Variants in GAS6 observed in about 807,000 individuals in gnomAD.
The protein encoded by GAS6 is growth arrest-specific protein 6.
GAS6 carries 41 observed loss-of-function variants against 75.8 expected under a neutral mutation model. The observed-to-expected ratio is 0.54, with a 90% CI of 0.42 to 0.70. GAS6 has a LOEUF of 0.70. GAS6 is among the 30% of genes least tolerant of loss of function. The probability of loss-of-function intolerance (pLI) is 0.00; values close to 1 mark genes in which losing one functional copy is unlikely to be tolerated. For synonymous variants in GAS6, 432 were observed against 412.6 expected (o/e 1.05, Z -0.57); for missense variants, 854 against 940.2 (o/e 0.91, Z 1.20).
intron 2 of GAS6, among the ~76,000 whole-genome samples, chr13:113,849,525 G>T (rs1334743116): frequency 6.6e-6 from 1 of 152,138 alleles, no homozygotes; most frequent in Non-Finnish European, 1.5e-5. Flanking sequence ...GGATGCAAAA[G>T]GTGTCCTTTC....
At position 113,863,269 on chromosome 13, in the gene GAS6, C is replaced by A. The variant is rs1359766018; in HGVS notation, c.255+306G>T. Among the ~76,000 whole-genome samples, 3 of 152,140 alleles carry A rather than the reference C, an allele frequency of 2.0e-5. No homozygotes were observed. Among genetic ancestry groups the A allele is most frequent in the East Asian group, 3.9e-4 (2 of 5,168 alleles). On this transcript the variant is annotated intron_variant, in intron 2 of 14. Coordinates refer to ENST00000327773, the MANE Select transcript of GAS6 (RefSeq NM_000820.4). This position sits in a 1 kb window ranked among gnomAD's most constrained non-coding sequence, Gnocchi z 9.4. ...CAGCAGAGGGAGGGCCGCGGGGAAG[C>A]GGTTTGGGTTTTAACCATTGTGTTT...
chr13:113,838,345 G>C (rs952421327), intron 5 of GAS6, 154 bp from the exon 6 acceptor site: 3 of 875,818 alleles, frequency 3.4e-6, no homozygotes, highest in Non-Finnish European at 5.3e-6. Context: ...GATCCCAAAG[G>C]TGCACAGCCC....
intron 7 of GAS6, 34 bp downstream of exon 7, chr13:113,835,478 CA>C (rs767307430): frequency 1.2e-6 from 2 of 1,605,270 alleles, no homozygotes; most frequent in Non-Finnish European, 1.7e-6. Flanking sequence ...ACTTGGGCGT[CA>C]GAGAAAGCGA....
rs1207438612 is a variant in GAS6, at chr13:113,832,742, G to A, written c.845C>T (p.Pro282Leu). Residue 282 changes from proline (P) to leucine (L), a missense_variant, in exon 9 of 15, where the codon CCG becomes CTG. Transcript: ENST00000327773. ...QDMDTCEDILPCVPFSVAKSV... is the reference protein window; with the variant it reads ...QDMDTCEDILLCVPFSVAKSV... ...CTTGGCCACGCTGAAGGGCACGCAC[G>A]GCAAGATGTCCTGCCACGGACGGGG... 13 of 1,612,576 alleles carry A rather than the reference G, an allele frequency of 8.1e-6. No individual in the cohort carries two copies. The highest frequency in any genetic ancestry group is 2.7e-5 in the African/African-American group (2 of 74,940).
At chr13:113,834,491 C>T (rs886913299) in intron 8 of GAS6, 60 bp downstream of exon 8, 91 of 1,423,550 alleles carry the variant, frequency 6.4e-5, no homozygotes, top group Middle Eastern at 2.5e-4. Context: ...CCCGAAAGCC[C>T]CCACCGGCGA....
intron 7 of GAS6, 85 bp downstream of exon 7, chr13:113,835,428 T>C: frequency 2.0e-6 from 3 of 1,499,016 alleles, no homozygotes; most frequent in Non-Finnish European, 2.7e-6. Context: ...CACCCGGTTG[T>C]TAGCAACCGG....
rs773435182 is a variant in GAS6 at position 113,832,780 on chromosome 13, G to A, written c.835-28C>T. On this transcript the variant is annotated intron_variant, in intron 8 of 14. Transcript: ENST00000327773. ...GCCACGGACGGGGGCCACGCCGGTC[G>A]GGGATGTGGCCTTCACTCCTGCTCC... is the stretch of plus-strand genomic sequence containing the variant. 8.9e-5 allele frequency: 144 copies of A among 1,611,832 alleles called. No individual in the cohort carries two copies. The South Asian group carries it at 1.3e-3, about 15-fold the overall frequency.
At chr13:113,857,021 C>G (rs905111468) in intron 2 of GAS6, among the ~76,000 whole-genome samples, 23 of 152,310 alleles carry the variant, frequency 1.5e-4, no homozygotes, top group Non-Finnish European at 1.2e-4. Context: ...TGAGGGCTGG[C>G]TGGGTCAAGC....
intron 6 of GAS6, 30 bp downstream of exon 6, chr13:113,838,039 G>C (rs1412498986): frequency 1.9e-6 from 3 of 1,609,726 alleles, no homozygotes; most frequent in Middle Eastern, 1.7e-4. Flanking sequence ...GGAGAGGAGA[G>C]AGGAGAGAGG....
intron 2 of GAS6, among the ~76,000 whole-genome samples, chr13:113,861,590 C>T (rs752808133): frequency 1.6e-4 from 25 of 152,180 alleles, no homozygotes; most frequent in Admixed American, 6.5e-5. Flanking sequence ...TCCCCTCGGG[C>T]CTGGGGTCTC....
intron 2 of GAS6, among the ~76,000 whole-genome samples, chr13:113,854,430 C>A (rs954265033): frequency 5.3e-5 from 8 of 152,258 alleles, no homozygotes; most frequent in Non-Finnish European, 1.2e-4. Context: ...GGCAGTGACG[C>A]CGAGACTCCC....
intron 10 of GAS6, 83 bp downstream of exon 10, chr13:113,832,216 A>G (rs1249886673): frequency 6.2e-6 from 9 of 1,443,630 alleles, no homozygotes; most frequent in Non-Finnish European, 3.7e-6. Flanking sequence ...TCATCTCCTA[A>G]CGGTTGCATA....
At chr13:113,825,612 C>T (rs955467958) in intron 12 of GAS6, among the ~76,000 whole-genome samples, 6 of 152,260 alleles carry the variant, frequency 3.9e-5, no homozygotes, top group Admixed American at 3.9e-4. Context: ...CATAAGGTTA[C>T]CCCTGAGAAA....
intron 3 of GAS6, chr13:113,846,833 C>G: frequency 1.8e-6 from 1 of 548,830 alleles, no homozygotes; most frequent in South Asian, 2.0e-5. Context: ...CGTAAAGCAC[C>G]GCCCGCCGTT....
At position 113,835,541 on chromosome 13, in the gene GAS6, C is replaced by G; in HGVS notation, c.684G>C (p.Ala228=). The change falls in exon 7 of 15, where the codon GCG becomes GCC. Residue 228 remains alanine (A), a synonymous_variant. Coordinates refer to ENST00000327773, the MANE Select transcript of GAS6 (RefSeq NM_000820.4). ...GGCAAGCCTTCTCCTGGGAGCTGTA[C>G]GCAAAGCCCTCGTCACAGAGGCAGG... The part of the protein sequence containing the change: ...SYSCLCDEGF[A]YSSQEKACRD... 6.2e-7 allele frequency: 1 copy of G among 1,612,594 alleles called. No individual in the cohort carries two copies. The highest frequency in any genetic ancestry group is 1.3e-5 in the African/African-American group (1 of 75,044).
intron 4 of GAS6, 100 bp downstream of exon 4, chr13:113,846,427 A>G (rs1405367121): frequency 8.0e-6 from 8 of 994,808 alleles, no homozygotes; most frequent in Non-Finnish European, 1.2e-5. Flanking sequence ...ACAGCTCCTT[A>G]AAAAACAGAA....
chr13:113,824,067 G>A (rs1331820670), intron 12 of GAS6, among the ~76,000 whole-genome samples: 3 of 149,672 alleles, frequency 2.0e-5, no homozygotes, highest in East Asian at 1.9e-4. Flanking sequence ...AGGAGCACGC[G>A]CGGTCTGGGG....
chr13:113,825,090 T>C (rs191105261), intron 12 of GAS6, among the ~76,000 whole-genome samples: 1,896 of 152,034 alleles, frequency 0.012, 49 homozygotes, highest in African/African-American at 0.043. Flanking sequence ...TGGTGGTGCA[T>C]GCCTGTAATC....
intron 12 of GAS6, among the ~76,000 whole-genome samples, chr13:113,825,188 C>T (rs865856530): frequency 1.6e-4 from 22 of 136,870 alleles, no homozygotes; most frequent in Non-Finnish European, 2.1e-4. Context: ...GAGCCAAGAT[C>T]GTGCCATTGT....
Sources: allele counts gnomAD v4.1 joint callset (sites outside exome capture counted in the v4.1 genomes callset), GRCh38; gene constraint gnomAD v4.1.1; non-coding constraint Gnocchi (gnomAD v3.1); transcripts MANE v1.5; gene names NCBI Gene and HGNC (gene_info 2026-07-23, HGNC 2026-07-21).